Variants in TNIP3 observed in about 807,000 individuals in gnomAD.
The protein encoded by TNIP3 is TNFAIP3 interacting protein 3.
A neutral mutation model predicts 54.1 loss-of-function variants in TNIP3; 34 were observed. The observed-to-expected ratio is 0.63, with a 90% CI of 0.48 to 0.84. The LOEUF (loss-of-function observed/expected upper bound fraction) is 0.84, where lower values mean the gene tolerates loss of function less well. Ranked by LOEUF, TNIP3 falls within the 40% of genes least tolerant of loss-of-function variation. The pLI is 0.00. For missense variants in TNIP3, 366 were observed against 387.6 expected, an observed-to-expected ratio of 0.94 and a Z score of 0.47; for synonymous variants, 134 against 136.8, an observed-to-expected ratio of 0.98 and a Z score of 0.14.
At chr4:121,150,018 C>A in intron 6 of TNIP3, 85 bp downstream of exon 6, 1 of 775,752 alleles carries the variant, frequency 1.3e-6, no homozygotes, top group South Asian at 1.7e-5. Flanking sequence ...ATATTTCTAG[C>A]AGCAAGACAT....
chr4:121,210,378 C>T (rs940227338), intron 2 of TNIP3, among the ~76,000 whole-genome samples: 3 of 152,126 alleles, frequency 2.0e-5, no homozygotes, highest in African/African-American at 7.2e-5. Context: ...GGAATATCTT[C>T]TAATATATTG....
chr4:121,154,341 T>C, intron 5 of TNIP3: 1 of 550,478 alleles, frequency 1.8e-6, no homozygotes, highest in South Asian at 2.2e-5. Flanking sequence ...TGATGAATCT[T>C]TGTAGGGACA....
chr4:121,173,341 G>A (rs138499208), intron 3 of TNIP3, among the ~76,000 whole-genome samples: 1 of 152,090 alleles, frequency 6.6e-6, no homozygotes, highest in African/African-American at 2.4e-5. Context: ...TCCCACCATG[G>A]CATGCCTAGA....
chr4:121,198,383 G>T (rs993909009), intron 2 of TNIP3, among the ~76,000 whole-genome samples: 7 of 152,126 alleles, frequency 4.6e-5, no homozygotes, highest in Non-Finnish European at 1.0e-4. Context: ...GTGCAAAGAG[G>T]TTTACAAGGC....
chr4:121,198,734 G>A (rs1725729138), intron 2 of TNIP3, among the ~76,000 whole-genome samples: 1 of 152,110 alleles, frequency 6.6e-6, no homozygotes, highest in Non-Finnish European at 1.5e-5. Flanking sequence ...GTTGCCTTAA[G>A]GCAAAATTTT....
chr4:121,213,675 C>T (rs1481034033), intron 2 of TNIP3, among the ~76,000 whole-genome samples: 14 of 148,742 alleles, frequency 9.4e-5, no homozygotes, highest in Non-Finnish European at 2.1e-4. Context: ...TGCAGTGAGT[C>T]GAGATCGTGC....
chr4:121,150,439 A>G (rs1729679520), intron 5 of TNIP3, among the ~76,000 whole-genome samples: 1 of 151,934 alleles, frequency 6.6e-6, no homozygotes, highest in South Asian at 2.1e-4. Context: ...ATGTTAGTCA[A>G]TCCTCATTAT....
chr4:121,211,462 C>T (rs1726473907), intron 2 of TNIP3, among the ~76,000 whole-genome samples: 3 of 152,218 alleles, frequency 2.0e-5, no homozygotes, highest in South Asian at 2.1e-4. Flanking sequence ...TTTCAATTTA[C>T]GTGAAGGAAT....
chr4:121,141,853 G>A lies in TNIP3; in HGVS notation c.848C>T (p.Thr283Ile), dbSNP rs201417442. The change falls in exon 9 of 11, where the codon ACA becomes ATA. Residue 283 changes from threonine (T) to isoleucine (I), a missense_variant. By Grantham distance (89) the Thr-to-Ile change is moderately conservative. Transcript: ENST00000057513. ...VFHLQDPWVPTGPGAVQKQRE... is the reference protein window; with the variant it reads ...VFHLQDPWVPIGPGAVQKQRE... ...TTGCTTCTGCACAGCTCCAGGGCCT[G>A]TTGGTACCCATGGATCTTGCAGGTG... 8 of 1,600,750 alleles carry A rather than the reference G, an allele frequency of 5.0e-6. No individual in the cohort carries two copies. In the East Asian group the frequency reaches 9.1e-5, roughly 18 times the overall value.
chr4:121,183,774 T>A (rs143833986), intron 2 of TNIP3, among the ~76,000 whole-genome samples: 3,808 of 152,088 alleles, frequency 0.025, 159 homozygotes, highest in African/African-American at 0.086. Context: ...TGCCTGCTCC[T>A]TATGAGAATC....
intron 7 of TNIP3, among the ~76,000 whole-genome samples, chr4:121,145,466 A>C (rs1315385236): frequency 6.6e-6 from 1 of 152,064 alleles, no homozygotes. Context: ...CAGGTGACAC[A>C]GTTAAGGACT....
chr4:121,135,100 C>G (rs1728703823), intron 10 of TNIP3, among the ~76,000 whole-genome samples: 1 of 152,174 alleles, frequency 6.6e-6, no homozygotes, highest in Admixed American at 6.5e-5. Context: ...AGGCAGGAGG[C>G]CAGGGCTTAG....
chr4:121,227,257 T>C (rs756589315), intron 1 of TNIP3: 24 of 728,422 alleles, frequency 3.3e-5, no homozygotes, highest in Admixed American at 5.4e-5. Context: ...TATTACTGAG[T>C]TCCTGATCAG....
At chr4:121,173,264 G>GT (rs1724081767) in intron 3 of TNIP3, among the ~76,000 whole-genome samples, 1 of 152,216 alleles carries the variant, frequency 6.6e-6, no homozygotes. Flanking sequence ...GGAATTAAGC[G>GT]TTTTTGAGGG....
chr4:121,203,671 G>A (rs1265494847), intron 2 of TNIP3, among the ~76,000 whole-genome samples: 2 of 151,928 alleles, frequency 1.3e-5, no homozygotes, highest in African/African-American at 2.4e-5. Flanking sequence ...TTATTTATCA[G>A]GTTATTGGAC....
intron 4 of TNIP3, 21 bp from the exon 5 acceptor site, chr4:121,154,700 A>C (rs763508335): frequency 6.3e-7 from 1 of 1,584,192 alleles, no homozygotes; most frequent in Non-Finnish European, 8.6e-7. Context: ...GACCAAGAAA[A>C]GAAAATAAAA....
At chr4:121,201,689 T>C (rs1343008184) in intron 2 of TNIP3, among the ~76,000 whole-genome samples, 2 of 152,188 alleles carry the variant, frequency 1.3e-5, no homozygotes, top group African/African-American at 4.8e-5. Context: ...CTAGCTATGA[T>C]TTGGGCAATT....
At chr4:121,188,100 G>C (rs1187085810) in intron 2 of TNIP3, among the ~76,000 whole-genome samples, 1 of 152,128 alleles carries the variant, frequency 6.6e-6, no homozygotes, top group Non-Finnish European at 1.5e-5. Flanking sequence ...TTTGAGGTGA[G>C]AGTAACAGAA....
intron 3 of TNIP3, among the ~76,000 whole-genome samples, chr4:121,180,084 G>A (rs1724591477): frequency 6.6e-6 from 1 of 151,984 alleles, no homozygotes; most frequent in South Asian, 2.1e-4. Flanking sequence ...GGGAGGGGTG[G>A]TGAGGGTGTC....
Sources: allele counts gnomAD v4.1 joint callset (sites outside exome capture counted in the v4.1 genomes callset), GRCh38; gene constraint gnomAD v4.1.1; transcripts MANE v1.5; gene names NCBI Gene and HGNC (gene_info 2026-07-23, HGNC 2026-07-21).